The following KMT2C variants were observed in gnomAD, a reference collection of about 807,000 sequenced individuals.
KMT2C encodes the protein lysine methyltransferase 2C.
In KMT2C, 88 loss-of-function variants were observed where a neutral mutation model predicts 507.9. The ratio of observed to expected loss-of-function variants is 0.17; its 90% CI spans 0.15 to 0.21. The LOEUF (loss-of-function observed/expected upper bound fraction) is 0.21. KMT2C is among the 10% of genes least tolerant of loss of function. KMT2C has a pLI of 1.00. For missense variants in KMT2C, 4,954 were observed against 5,957.8 expected, an observed-to-expected ratio of 0.83 and a Z score of 5.55; for synonymous variants, 2,049 against 2,080.8, an observed-to-expected ratio of 0.98 and a Z score of 0.42.
chr7:152,356,699 G>T (rs1475239846), intron 2 of KMT2C, among the ~76,000 whole-genome samples: 2 of 151,708 alleles, frequency 1.3e-5, no homozygotes, highest in East Asian at 3.9e-4. Context: ...GACCAGCCTG[G>T]CCAATATGGT....
At chr7:152,435,449 G>A (rs1433083849) in intron 1 of KMT2C, among the ~76,000 whole-genome samples, 177 bp downstream of exon 1, 1 of 146,460 alleles carries the variant, frequency 6.8e-6, no homozygotes, top group Non-Finnish European at 1.5e-5. Flanking sequence ...GCCGGGCGCG[G>A]GCGGCTACCG....
chr7:152,348,739 G>A (rs1369183057), intron 2 of KMT2C, among the ~76,000 whole-genome samples: 1 of 151,802 alleles, frequency 6.6e-6, no homozygotes, highest in African/African-American at 2.4e-5. Context: ...TCAGGGAAAT[G>A]AAAATTAAAA....
Position 152,177,249 on chromosome 7 carries a change from A to G in KMT2C, c.8204T>C (p.Leu2735Ser). ...GGGATCATTAGTTTCCAAATTATCTAAAGTATCCAATTCAACTACCTTGCC... is the reference window on the plus strand; with the variant it reads ...GGGATCATTAGTTTCCAAATTATCTGAAGTATCCAATTCAACTACCTTGCC... ...EDGKVVELDT[L>S]DNLETNDPNL... The change falls in exon 38 of 59, where the codon TTA (leucine) becomes TCA (serine). Residue 2735 changes from leucine to serine, a missense_variant. Physicochemically the swap from Leu to Ser is moderately radical, Grantham distance 145. This residue lies in a region of KMT2C where 1,689 missense variants were observed against 1,654.3 expected (regional missense o/e 1.02). Transcript: ENST00000262189. 1 of 1,613,840 alleles carries G rather than the reference A, an allele frequency of 6.2e-7. No individual in the cohort carries two copies.
At chr7:152,330,914 T>C (rs1380252362) in intron 2 of KMT2C, among the ~76,000 whole-genome samples, 175 bp from the exon 3 acceptor site, 1 of 152,230 alleles carries the variant, frequency 6.6e-6, no homozygotes, top group Non-Finnish European at 1.5e-5. Flanking sequence ...ATCTTTATTC[T>C]CTACCGCAAA....
chr7:152,315,167 T>C lies in KMT2C; in HGVS notation c.561A>G (p.Ser187=), dbSNP rs777769619. Residue 187 remains serine, a synonymous_variant, in exon 4 of 59, where the codon TCA becomes TCG. Coordinates refer to ENST00000262189, the MANE Select transcript of KMT2C (RefSeq NM_170606.3). ...SNGTYEKMQN[S]APRKQRGQRK... is the part of the protein sequence containing the mutation. ...TCTGTCCTCTTTGTTTTCGTGGTGC[T>C]GAGTTTTGCATTTTCTCATAGGTTC... 1.9e-6 allele frequency: 3 copies of C among 1,613,984 alleles called. No homozygotes were observed. Among genetic ancestry groups the C allele is most frequent in the Admixed American group, 1.7e-5 (1 of 60,002 alleles).
chr7:152,209,480 G>A (rs559704887), intron 23 of KMT2C, among the ~76,000 whole-genome samples: 1 of 149,418 alleles, frequency 6.7e-6, no homozygotes, highest in East Asian at 2.0e-4. Context: ...AAAAATGACA[G>A]GGAATTTTGA....
intron 2 of KMT2C, among the ~76,000 whole-genome samples, chr7:152,356,936 CAAT>C (rs1326136571): frequency 1.6e-5 from 2 of 125,896 alleles, no homozygotes; most frequent in African/African-American, 6.1e-5. Flanking sequence ...ATAATAATAG[CAAT>C]AATAATAATT....
intron 2 of KMT2C, among the ~76,000 whole-genome samples, chr7:152,355,179 A>G (rs1385494134): frequency 6.6e-6 from 1 of 152,192 alleles, no homozygotes; most frequent in Non-Finnish European, 1.5e-5. Context: ...TAAAATGTAA[A>G]ATGTGAAAAT....
intron 49 of KMT2C, 110 bp downstream of exon 49, chr7:152,152,595 C>A: frequency 1.5e-6 from 2 of 1,329,642 alleles, no homozygotes; most frequent in East Asian, 2.3e-5. Context: ...AAGGACTATA[C>A]GCCAGCATGT....
At chr7:152,385,895 C>A (rs2116505089) in intron 1 of KMT2C, among the ~76,000 whole-genome samples, 1 of 151,836 alleles carries the variant, frequency 6.6e-6, no homozygotes, top group Admixed American at 6.6e-5. Flanking sequence ...CAAGACCAGC[C>A]TGGCAAACAC....
In KMT2C at chr7:152,183,070, A is replaced by C. The variant is rs1166304820; in HGVS notation, c.5169T>G (p.Asp1723Glu). ...NDSMKRQQQQ[D>E]SIDPSSRIDS... is the part of the protein sequence containing the mutation. Reference sequence around the variant, plus strand: ...CAATACGAGAGCTGGGATCAATGCTATCTTGCTGTTGCTGCCTTTTCATGG... The same window carrying C: ...CAATACGAGAGCTGGGATCAATGCTCTCTTGCTGTTGCTGCCTTTTCATGG... Residue 1723 changes from aspartate (D) to glutamate (E), a missense_variant, in exon 35 of 59, where the codon GAT becomes GAG. Transcript: ENST00000262189. The C allele has an allele frequency of 6.2e-7, 1 of 1,613,120 alleles. No individual in the cohort carries two copies. Among genetic ancestry groups the C allele is most frequent in the East Asian group, 2.2e-5 (1 of 44,838 alleles).
chr7:152,198,348 G>T (rs1038653399), intron 27 of KMT2C, among the ~76,000 whole-genome samples: 4 of 152,172 alleles, frequency 2.6e-5, no homozygotes, highest in Admixed American at 1.3e-4. Flanking sequence ...TCAGGATAAT[G>T]CCAAGTTAAT....
chr7:152,148,338 T>C lies in KMT2C; in HGVS notation c.13589A>G (p.Asp4530Gly), dbSNP rs2129095111. 6.2e-7 allele frequency: 1 copy of C among 1,614,248 alleles called. No homozygotes were observed. The highest frequency in any genetic ancestry group is 8.5e-7 in the Non-Finnish European group (1 of 1,180,050). The part of the protein sequence containing the change: ...AVFRRVYVQR[D>G]EVRQIASIVQ... ...GATGCTAGCAATCTGTCGCACCTCA[T>C]CACGCTGAACATAGACCCTCCTGAA... Residue 4530 changes from aspartate (D) to glycine (G), a missense_variant, in exon 52 of 59, where the codon GAT becomes GGT. Physicochemically the swap from Asp to Gly is moderately conservative, Grantham distance 94. Coordinates refer to ENST00000262189, the MANE Select transcript of KMT2C (RefSeq NM_170606.3). This position sits in a 1 kb window ranked among gnomAD's most constrained non-coding sequence, Gnocchi z 7.1.
rs767792236 is a variant in KMT2C, at chr7:152,162,462, G to A, written c.11115C>T (p.Asp3705=). The change falls in exon 43 of 59, where the codon GAC becomes GAT. Residue 3705 remains aspartate, a synonymous_variant. Coordinates refer to ENST00000262189, the MANE Select transcript of KMT2C (RefSeq NM_170606.3). ...NQQTYANSEV[D]KLSMETPAKT... ...TGGCAGGGGTTTCCATGGAGAGCTT[G>A]TCTACTTCTGAATTTGCATACGTCT... The A allele has an allele frequency of 1.2e-6, 2 of 1,614,232 alleles. No individual in the cohort carries two copies. The highest frequency in any genetic ancestry group is 8.5e-7 in the Non-Finnish European group (1 of 1,180,034).
At position 152,199,311 on chromosome 7, in the gene KMT2C, G is replaced by A. The variant is rs1390364171; in HGVS notation, c.4241C>T (p.Ser1414Leu). 1.9e-6 allele frequency: 3 copies of A among 1,598,096 alleles called. No homozygotes were observed. In the Admixed American group the frequency reaches 5.3e-5, roughly 28 times the overall value. The change falls in exon 27 of 59, where the codon TCA becomes TTA. Residue 1414 changes from serine (S) to leucine (L), a missense_variant. By Grantham distance (145) the Ser-to-Leu change is moderately radical. Coordinates refer to ENST00000262189, the MANE Select transcript of KMT2C (RefSeq NM_170606.3). ...TCCAGATTTTGTTGGAGCCGAGGAT[G>A]AACTAAGTAGTGGATCTAAGGAAGG... is the stretch of plus-strand genomic sequence containing the variant. ...LDPSLDPLLS[S>L]SSAPTKSGTH...
At chr7:152,328,033 AG>A (rs2096846824) in intron 3 of KMT2C, among the ~76,000 whole-genome samples, 1 of 152,132 alleles carries the variant, frequency 6.6e-6, no homozygotes, top group South Asian at 2.1e-4. Flanking sequence ...TATTAAGTGC[AG>A]GACACAGTGT....
At chr7:152,234,937 A>G (rs2095234318) in intron 16 of KMT2C, among the ~76,000 whole-genome samples, 1 of 152,158 alleles carries the variant, frequency 6.6e-6, no homozygotes. Flanking sequence ...GTGCATCCAC[A>G]GTTTTATTAA....
intron 53 of KMT2C, 122 bp downstream of exon 53, chr7:152,146,477 C>G: frequency 1.1e-6 from 1 of 891,042 alleles, no homozygotes; most frequent in South Asian, 1.7e-5. Flanking sequence ...CTAAGAGAAA[C>G]GGGTTAATGC....
At chr7:152,424,597 A>AT (rs1028698964) in intron 1 of KMT2C, among the ~76,000 whole-genome samples, 68 of 152,078 alleles carry the variant, frequency 4.5e-4, no homozygotes, top group African/African-American at 1.5e-3. Context: ...TAATTTCTGT[A>AT]TTTTTTTGTA....
Sources: gnomAD v4.1 joint callset for allele counts (sites outside exome capture counted in the v4.1 genomes callset) on GRCh38, gnomAD v4.1.1 for gene constraint, gnomAD v4.1.1 regional missense constraint, Gnocchi (gnomAD v3.1) non-coding constraint, MANE v1.5 for transcripts, NCBI Gene and HGNC (gene_info 2026-07-23, HGNC 2026-07-21) for gene names.